Variants in SPTSSB observed in about 807,000 individuals in gnomAD.
SPTSSB encodes the protein serine palmitoyltransferase small subunit B.
A neutral mutation model predicts 7.7 loss-of-function variants in SPTSSB; 6 were observed. The ratio of observed to expected loss-of-function variants is 0.78; its 90% confidence interval spans 0.43 to 1.54. SPTSSB has a LOEUF of 1.54. Ranked by LOEUF, SPTSSB falls within the 40% of genes most tolerant of loss-of-function variation. The pLI is 0.01. For synonymous variants in SPTSSB, 28 were observed against 29.7 expected (o/e 0.94, Z 0.19); for missense variants, 91 against 93.0 (o/e 0.98, Z 0.09).
At chr3:161,363,277 A>G (rs1715083828) in intron 1 of SPTSSB, among the ~76,000 whole-genome samples, 1 of 151,614 alleles carries the variant, frequency 6.6e-6, no homozygotes, top group Admixed American at 6.6e-5. Context: ...CAATAGTATA[A>G]TACATTTAAA....
At chr3:161,359,684 T>C in intron 2 of SPTSSB, 118 bp downstream of exon 2, 1 of 956,764 alleles carries the variant, frequency 1.0e-6, no homozygotes, top group Non-Finnish European at 1.2e-6. Context: ...ATCTAGTGTA[T>C]AATAAATGTT....
chr3:161,369,271 T>C (rs1715357326), intron 1 of SPTSSB, among the ~76,000 whole-genome samples: 1 of 149,096 alleles, frequency 6.7e-6, no homozygotes, highest in African/African-American at 2.5e-5. Context: ...TCTCTTTCTT[T>C]TTCTTCTTTC....
intron 2 of SPTSSB, among the ~76,000 whole-genome samples, chr3:161,356,760 G>T (rs111735640): frequency 2.6e-5 from 4 of 152,178 alleles, no homozygotes; most frequent in African/African-American, 9.7e-5. Context: ...TTTTGTGACA[G>T]TAGTAATCTA....
chr3:161,360,544 ATGTCT>A (rs1410964729), intron 1 of SPTSSB, among the ~76,000 whole-genome samples: 5 of 152,170 alleles, frequency 3.3e-5, no homozygotes, highest in Non-Finnish European at 7.3e-5. Context: ...ATCTGTGAAA[ATGTCT>A]TGTAATTTGT....
chr3:161,367,620 T>C (rs1715276506), intron 1 of SPTSSB, among the ~76,000 whole-genome samples: 1 of 152,206 alleles, frequency 6.6e-6, no homozygotes, highest in African/African-American at 2.4e-5. Context: ...TAGAGGAACA[T>C]ATTAATTATT....
At chr3:161,353,821 G>A (rs560385840) in intron 2 of SPTSSB, among the ~76,000 whole-genome samples, 1 of 152,196 alleles carries the variant, frequency 6.6e-6, no homozygotes, top group South Asian at 2.1e-4. Context: ...TGACCCCAAT[G>A]TTTTCTGTGC....
At chr3:161,353,233 C>T (rs554709260) in intron 2 of SPTSSB, among the ~76,000 whole-genome samples, 1 of 152,266 alleles carries the variant, frequency 6.6e-6, no homozygotes. Context: ...GTAATATTCA[C>T]AGCAACTGTA....
intron 1 of SPTSSB, among the ~76,000 whole-genome samples, chr3:161,364,870 G>C (rs1171359217): frequency 6.6e-6 from 1 of 151,430 alleles, no homozygotes; most frequent in Non-Finnish European, 1.5e-5. Context: ...GACATCTTGC[G>C]CTTTTTTCCT....
At chr3:161,369,338 T>TTC (rs1421150284) in intron 1 of SPTSSB, among the ~76,000 whole-genome samples, 1 of 102,236 alleles carries the variant, frequency 9.8e-6, no homozygotes, top group Admixed American at 1.2e-4. Flanking sequence ...CTTTCTTTCT[T>TTC]TCTTTCTTTC....
At chr3:161,358,833 T>C (rs550511289) in intron 2 of SPTSSB, among the ~76,000 whole-genome samples, 85 of 152,356 alleles carry the variant, frequency 5.6e-4, no homozygotes, top group Non-Finnish European at 9.4e-4. Context: ...ACAAGTATTT[T>C]TGAATTAGTA....
chr3:161,349,680 C>G (rs1366962368), intron 2 of SPTSSB, among the ~76,000 whole-genome samples: 1 of 152,168 alleles, frequency 6.6e-6, no homozygotes, highest in East Asian at 1.9e-4. Context: ...AGGTGGCACT[C>G]CTAAGCAGAC....
chr3:161,364,769 T>C (rs999273133), intron 1 of SPTSSB, among the ~76,000 whole-genome samples: 2 of 152,134 alleles, frequency 1.3e-5, no homozygotes, highest in Non-Finnish European at 2.9e-5. Flanking sequence ...ACAATTAGAA[T>C]GTTCCAGAAC....
At chr3:161,351,517 TAAAATTTCTTA>T (rs1289849474) in intron 2 of SPTSSB, among the ~76,000 whole-genome samples, 1 of 152,128 alleles carries the variant, frequency 6.6e-6, no homozygotes, top group African/African-American at 2.4e-5. Context: ...GACTGGCTTT[TAAAATTTCTTA>T]AACACAATAA....
chr3:161,371,348 T>A (rs1021634747), intron 1 of SPTSSB, 87 bp downstream of exon 1: 9 of 845,068 alleles, frequency 1.1e-5, no homozygotes, highest in Non-Finnish European at 1.4e-6. Context: ...TAAAGCTCAG[T>A]ATTAATTTTT....
intron 1 of SPTSSB, among the ~76,000 whole-genome samples, chr3:161,364,339 G>C (rs149706638): frequency 6.6e-6 from 1 of 152,110 alleles, no homozygotes. Flanking sequence ...GTCATCAAAG[G>C]TCGCTATCTG....
intron 1 of SPTSSB, among the ~76,000 whole-genome samples, chr3:161,364,679 T>A (rs1425628053): frequency 1.3e-5 from 2 of 151,002 alleles, no homozygotes; most frequent in South Asian, 2.1e-4. Flanking sequence ...ATATATATAA[T>A]ATATATTTAT....
At chr3:161,356,009 G>A (rs567524564) in intron 2 of SPTSSB, among the ~76,000 whole-genome samples, 8 of 152,230 alleles carry the variant, frequency 5.3e-5, no homozygotes, top group African/African-American at 1.7e-4. Flanking sequence ...AAATCACATC[G>A]ATGTACCATA....
rs1452877117 is a variant in SPTSSB at position 161,345,969 on chromosome 3, G to C, written c.*124C>G. 4.8e-6 allele frequency: 3 copies of C among 620,468 alleles called. No homozygotes were observed. The highest frequency in any genetic ancestry group is 8.6e-6 in the Non-Finnish European group (3 of 346,996). 38.4% of individuals were successfully genotyped at this position (620,468 alleles called of 1,614,324 possible). On this transcript the variant is annotated 3_prime_UTR_variant, in exon 3 of 3. Coordinates refer to ENST00000620149, the MANE Select transcript of SPTSSB (RefSeq NM_001040100.2). Reference sequence around the variant, plus strand: ...CTCCAGGCAGAAAGGCAGAATATAAGAGTGCATAGAGAAGAGAGTGCTTTT... The same window carrying C: ...CTCCAGGCAGAAAGGCAGAATATAACAGTGCATAGAGAAGAGAGTGCTTTT...
intron 1 of SPTSSB, among the ~76,000 whole-genome samples, chr3:161,364,604 A>C (rs1224248250): frequency 6.6e-6 from 1 of 152,070 alleles, no homozygotes; most frequent in Admixed American, 6.6e-5. Flanking sequence ...TTTCAAAAGA[A>C]ACAAAAAGAT....
Sources: allele counts gnomAD v4.1 joint callset (sites outside exome capture counted in the v4.1 genomes callset), GRCh38; gene constraint gnomAD v4.1.1; transcripts MANE v1.5; gene names NCBI Gene and HGNC (gene_info 2026-07-23, HGNC 2026-07-21).